The following TRPM3 variants were observed in gnomAD, a reference collection of about 807,000 sequenced individuals.
TRPM3 encodes the protein long transient receptor potential channel 3.
In TRPM3, 77 loss-of-function variants were observed where a neutral mutation model predicts 181.2. The observed-to-expected ratio is 0.42, with a 90% CI of 0.35 to 0.51. The LOEUF is 0.51. TRPM3 is among the 20% of genes least tolerant of loss of function. The pLI is 0.01. For synonymous variants in TRPM3, 745 were observed against 796.4 expected (o/e 0.94, Z 1.09); for missense variants, 1,759 against 2,196.7 (o/e 0.80, Z 3.98).
At chr9:71,339,629 T>C (rs1044563991) in intron 1 of TRPM3, among the ~76,000 whole-genome samples, 1 of 152,104 alleles carries the variant, frequency 6.6e-6, no homozygotes, top group African/African-American at 2.4e-5. Context: ...GAAAAGATAA[T>C]ATTAGATCTG....
At chr9:71,298,604 G>C (rs2086502026) in intron 1 of TRPM3, among the ~76,000 whole-genome samples, 4 of 151,882 alleles carry the variant, frequency 2.6e-5, no homozygotes, top group Admixed American at 2.6e-4. Flanking sequence ...AAAAAAATCT[G>C]TTTCTCACAA....
At chr9:71,289,304 A>G (rs978667168) in intron 1 of TRPM3, among the ~76,000 whole-genome samples, 7 of 152,180 alleles carry the variant, frequency 4.6e-5, no homozygotes, top group Non-Finnish European at 8.8e-5. Flanking sequence ...AGAAACCATC[A>G]AAAATTGACC....
At chr9:70,937,972 C>T (rs1355886900) in intron 1 of TRPM3, among the ~76,000 whole-genome samples, 1 of 152,192 alleles carries the variant, frequency 6.6e-6, no homozygotes, top group Non-Finnish European at 1.5e-5. Flanking sequence ...TGCCCCTCTC[C>T]TTTGAGAACC....
chr9:71,079,495 G>T (rs2063923193), intron 1 of TRPM3, among the ~76,000 whole-genome samples: 1 of 152,194 alleles, frequency 6.6e-6, no homozygotes, highest in African/African-American at 2.4e-5. Context: ...ACTTCCAGGA[G>T]ATTTGTTTAT....
chr9:70,686,768 T>G (rs1350420137), intron 8 of TRPM3, among the ~76,000 whole-genome samples: 1 of 130,056 alleles, frequency 7.7e-6, no homozygotes, highest in Non-Finnish European at 1.6e-5. Flanking sequence ...CCTCCCTCCC[T>G]CCATCTTTCC....
intron 1 of TRPM3, among the ~76,000 whole-genome samples, chr9:70,963,048 G>T (rs1007181515): frequency 5.9e-5 from 9 of 152,158 alleles, no homozygotes; most frequent in African/African-American, 2.2e-4. Context: ...GGAAGAAAAG[G>T]CACAGAGAAA....
intron 3 of TRPM3, among the ~76,000 whole-genome samples, chr9:70,861,540 A>T (rs2095519951): frequency 6.6e-6 from 1 of 152,212 alleles, no homozygotes; most frequent in South Asian, 2.1e-4. Flanking sequence ...AGCAAGCCAC[A>T]TCCTCATTTA....
At chr9:70,800,834 C>A (rs1190794324) in intron 6 of TRPM3, among the ~76,000 whole-genome samples, 1 of 152,078 alleles carries the variant, frequency 6.6e-6, no homozygotes, top group African/African-American at 2.4e-5. Context: ...TCGAAAGTTA[C>A]ACACGAATTT....
chr9:70,653,023 G>A (rs1368947385), intron 9 of TRPM3, among the ~76,000 whole-genome samples: 1 of 152,086 alleles, frequency 6.6e-6, no homozygotes, highest in East Asian at 1.9e-4. Context: ...GGCCTTGAAT[G>A]TGCTTACAGC....
chr9:71,199,927 C>T (rs892630998), intron 1 of TRPM3, among the ~76,000 whole-genome samples: 6 of 152,070 alleles, frequency 3.9e-5, no homozygotes, highest in South Asian at 4.2e-4. Flanking sequence ...TTTGAATGTG[C>T]TTGCTCTTGC....
intron 20 of TRPM3, 23 bp from the exon 21 acceptor site, chr9:70,598,693 G>A: frequency 6.2e-7 from 1 of 1,606,760 alleles, no homozygotes; most frequent in Non-Finnish European, 8.5e-7. Flanking sequence ...AAGGAGAGCA[G>A]AGTTAGGTCT....
intron 1 of TRPM3, among the ~76,000 whole-genome samples, chr9:71,082,183 A>G (rs1591273224): frequency 6.6e-6 from 1 of 152,318 alleles, no homozygotes; most frequent in South Asian, 2.1e-4. Context: ...ATCTTGTAGG[A>G]ATATATCAGA....
At chr9:70,549,716 A>G in intron 24 of TRPM3, 42 bp from the exon 25 acceptor site, 1 of 1,564,504 alleles carries the variant, frequency 6.4e-7, no homozygotes, top group Non-Finnish European at 8.6e-7. Flanking sequence ...GGAGAGAAGT[A>G]AAAGCGATGG....
chr9:70,581,223 T>C (rs1397417694), intron 22 of TRPM3, among the ~76,000 whole-genome samples: 4 of 151,814 alleles, frequency 2.6e-5, no homozygotes, highest in Admixed American at 6.6e-5. Context: ...TCTCCCTGAA[T>C]TGAGTGTGTC....
chr9:71,099,174 G>A (rs1341506893), intron 1 of TRPM3, among the ~76,000 whole-genome samples: 3 of 152,094 alleles, frequency 2.0e-5, no homozygotes, highest in African/African-American at 7.2e-5. Context: ...TTTGGAATCT[G>A]GTGATGGTCC....
intron 1 of TRPM3, among the ~76,000 whole-genome samples, chr9:71,168,032 TAGAG>T (rs1277562977): frequency 2.6e-5 from 4 of 152,194 alleles, no homozygotes; most frequent in African/African-American, 7.2e-5. Context: ...GTTATTATCT[TAGAG>T]AGAATACAAA....
chr9:71,148,375 C>T (rs2075549210), intron 1 of TRPM3, among the ~76,000 whole-genome samples: 1 of 152,046 alleles, frequency 6.6e-6, no homozygotes, highest in Admixed American at 6.6e-5. Context: ...TCTTAACACC[C>T]TGGGATCTAT....
chr9:71,018,895 T>C (rs1157201006), intron 1 of TRPM3, among the ~76,000 whole-genome samples: 1 of 151,740 alleles, frequency 6.6e-6, no homozygotes, highest in East Asian at 1.9e-4. Flanking sequence ...CTAAACAAAA[T>C]GTAAGTAAAT....
At chr9:70,701,191 T>A (rs1424187633) in intron 8 of TRPM3, among the ~76,000 whole-genome samples, 4 of 152,212 alleles carry the variant, frequency 2.6e-5, no homozygotes, top group Non-Finnish European at 4.4e-5. Flanking sequence ...AATAGACACA[T>A]CTATCTTCCT....
Sources: allele counts gnomAD v4.1 joint callset (sites outside exome capture counted in the v4.1 genomes callset), GRCh38; gene constraint gnomAD v4.1.1; transcripts MANE v1.5; gene names NCBI Gene and HGNC (gene_info 2026-07-23, HGNC 2026-07-21).